NELL1: variants seen among roughly 807,000 people sequenced by gnomAD.
NELL1 encodes the protein protein kinase C-binding protein NELL1.
Under a neutral mutation model 107.4 loss-of-function variants are expected in NELL1, and 76 were observed. The observed-to-expected ratio is 0.71, with a 90% CI of 0.59 to 0.86. NELL1 has a LOEUF of 0.86. NELL1 is among the 40% of genes least tolerant of loss of function. The pLI, the probability that NELL1 is intolerant of heterozygous loss-of-function variation, is 0.00. For synonymous variants in NELL1, 353 were observed against 341.2 expected, an observed-to-expected ratio of 1.03 and a Z score of -0.38; for missense variants, 1,024 against 1,005.5, an observed-to-expected ratio of 1.02 and a Z score of -0.25.
intron 12 of NELL1, among the ~76,000 whole-genome samples, chr11:20,973,388 A>G (rs906567962): frequency 3.3e-5 from 5 of 152,160 alleles, no homozygotes; most frequent in Admixed American, 6.5e-5. Context: ...GATTACAGGC[A>G]TGAGCCACTG....
chr11:21,163,498 T>C (rs181151080), intron 13 of NELL1, among the ~76,000 whole-genome samples: 172 of 152,256 alleles, frequency 1.1e-3, no homozygotes, highest in African/African-American at 4.0e-3. Context: ...CCTAAAGCCA[T>C]AGTTTGAATC....
intron 4 of NELL1, among the ~76,000 whole-genome samples, chr11:20,858,640 T>C (rs1394423268): frequency 1.3e-5 from 2 of 152,184 alleles, no homozygotes; most frequent in African/African-American, 2.4e-5. Context: ...CCAACACCCC[T>C]GAAGGCAGAG....
intron 14 of NELL1, among the ~76,000 whole-genome samples, chr11:21,238,402 G>T (rs531555201): frequency 6.6e-6 from 1 of 152,108 alleles, no homozygotes; most frequent in South Asian, 2.1e-4. Flanking sequence ...ATTATAATAT[G>T]ATAACTTCTA....
chr11:21,031,890 C>A (rs1852966607), intron 12 of NELL1, among the ~76,000 whole-genome samples: 1 of 151,704 alleles, frequency 6.6e-6, no homozygotes, highest in Non-Finnish European at 1.5e-5. Flanking sequence ...ACTAAAAATA[C>A]AAAAATTAGC....
chr11:20,762,422 T>C (rs1268909321), intron 2 of NELL1, among the ~76,000 whole-genome samples: 1 of 152,220 alleles, frequency 6.6e-6, no homozygotes, highest in Non-Finnish European at 1.5e-5. Context: ...ATTTTATTCA[T>C]GAGTTGTGGT....
chr11:21,235,356 A>G (rs544624641), intron 14 of NELL1, among the ~76,000 whole-genome samples: 1 of 152,244 alleles, frequency 6.6e-6, no homozygotes, highest in South Asian at 2.1e-4. Flanking sequence ...AGGATTTGAG[A>G]CTGTACCCCA....
At chr11:20,927,261 G>A in intron 7 of NELL1, 47 bp from the exon 8 acceptor site, 5 of 1,561,572 alleles carry the variant, frequency 3.2e-6, no homozygotes, top group South Asian at 1.2e-5. Flanking sequence ...TTGTTAGGAT[G>A]ATGCAATTGA....
intron 12 of NELL1, among the ~76,000 whole-genome samples, chr11:21,049,201 A>G (rs569956406): frequency 5.2e-4 from 79 of 152,294 alleles, no homozygotes; most frequent in African/African-American, 1.8e-3. Context: ...CGACAGAGGC[A>G]GCTCTTCTCC....
chr11:21,021,622 CATT>C (rs1054210613), intron 12 of NELL1, among the ~76,000 whole-genome samples: 2 of 151,936 alleles, frequency 1.3e-5, no homozygotes, highest in African/African-American at 4.8e-5. Context: ...ATGCAAATTG[CATT>C]ATGTACATGG....
chr11:20,842,319 A>G (rs571246251), intron 3 of NELL1, among the ~76,000 whole-genome samples: 1 of 151,904 alleles, frequency 6.6e-6, no homozygotes, highest in South Asian at 2.1e-4. Flanking sequence ...TGGAGGTTGC[A>G]GTGAGCCAAG....
chr11:20,772,651 C>T (rs1025289683), intron 2 of NELL1, among the ~76,000 whole-genome samples: 17 of 75,842 alleles, frequency 2.2e-4, no homozygotes, highest in African/African-American at 5.7e-4. Flanking sequence ...ATTCCTGAAC[C>T]CTGGAAGGTG....
chr11:21,309,103 T>C, intron 14 of NELL1, among the ~76,000 whole-genome samples: 1 of 151,284 alleles, frequency 6.6e-6, no homozygotes, highest in East Asian at 2.0e-4. Context: ...AAGGGTATTG[T>C]CCCTATTTTA....
chr11:21,241,746 G>T (rs530068413), intron 14 of NELL1, among the ~76,000 whole-genome samples: 1 of 152,046 alleles, frequency 6.6e-6, no homozygotes, highest in South Asian at 2.1e-4. Flanking sequence ...ACCCCAAACA[G>T]AATTATGTGT....
Position 20,947,447 on chromosome 11 carries a change from T to C in NELL1, c.1171+12T>C. On this transcript the variant is annotated intron_variant, in intron 11 of 19. Coordinates refer to ENST00000357134, the MANE Select transcript of NELL1 (RefSeq NM_006157.5). ...CCGTGTCTGTAGAGGTAAGTGGGCT[T>C]GGTGGTGGGCCATGCGTGGGGTGAG... is the stretch of plus-strand genomic sequence containing the variant. 4 of 1,606,318 alleles carry C rather than the reference T, an allele frequency of 2.5e-6. No individual in the cohort carries two copies. The highest frequency in any genetic ancestry group is 2.2e-5 in the South Asian group (2 of 90,876).
chr11:21,031,356 C>G (rs573944530), intron 12 of NELL1, among the ~76,000 whole-genome samples: 56 of 152,246 alleles, frequency 3.7e-4, no homozygotes, highest in African/African-American at 1.3e-3. Context: ...GGTATAATGC[C>G]ATTTCTATGA....
rs923359251 is a variant in NELL1 at position 20,669,995 on chromosome 11, G to C, written c.55+217G>C. ...CCCCGTTGAGTGCCCCTTCTCAGGGGACCCGGCCTCAGGGGCGCAGGAGTG... is the reference window on the plus strand; with the variant it reads ...CCCCGTTGAGTGCCCCTTCTCAGGGCACCCGGCCTCAGGGGCGCAGGAGTG... On this transcript the variant is annotated intron_variant, in intron 1 of 19. Coordinates refer to ENST00000357134, the MANE Select transcript of NELL1 (RefSeq NM_006157.5). The surrounding 1 kb of genome is among the most constrained non-coding windows in gnomAD (Gnocchi z 4.4). Among the ~76,000 whole-genome samples the C allele has an allele frequency of 6.6e-6, 1 of 152,196 alleles. No individual in the cohort carries two copies. The highest frequency in any genetic ancestry group is 1.5e-5 in the Non-Finnish European group (1 of 68,042).
chr11:21,441,783 T>C (rs540454394), intron 15 of NELL1, among the ~76,000 whole-genome samples: 21 of 152,206 alleles, frequency 1.4e-4, no homozygotes, highest in Non-Finnish European at 2.5e-4. Context: ...CACTATGGTG[T>C]TATATTAAAT....
chr11:21,079,266 A>G (rs968152013), intron 12 of NELL1, among the ~76,000 whole-genome samples: 2 of 152,074 alleles, frequency 1.3e-5, no homozygotes, highest in Admixed American at 6.6e-5. Flanking sequence ...TAAAGCAAAT[A>G]TCTTAAGCAA....
intron 3 of NELL1, among the ~76,000 whole-genome samples, chr11:20,787,517 G>A (rs910048037): frequency 4.6e-5 from 7 of 152,224 alleles, no homozygotes; most frequent in East Asian, 1.9e-4. Flanking sequence ...ATTTGACCAC[G>A]TATATAAGTT....
Sources: allele counts gnomAD v4.1 joint callset (sites outside exome capture counted in the v4.1 genomes callset), GRCh38; gene constraint gnomAD v4.1.1; non-coding constraint Gnocchi (gnomAD v3.1); transcripts MANE v1.5; gene names NCBI Gene and HGNC (gene_info 2026-07-23, HGNC 2026-07-21).